The following NUP93 variants were observed in gnomAD, a reference collection of about 807,000 sequenced individuals.
The protein encoded by NUP93 is nucleoporin 93, also known as nuclear pore complex protein Nup93.
Under a neutral mutation model 107.8 loss-of-function variants are expected in NUP93, and 55 were observed. That is an observed-to-expected ratio of 0.51 (90% CI 0.41 to 0.64). The LOEUF is 0.64. Among genes scored for constraint, NUP93 ranks in the 30% least tolerant of loss-of-function variants. NUP93 has a pLI of 0.00. For synonymous variants in NUP93, 390 were observed against 397.5 expected, an observed-to-expected ratio of 0.98 and a Z score of 0.22; for missense variants, 937 against 1,044.7, an observed-to-expected ratio of 0.90 and a Z score of 1.42.
At chr16:56,789,667 A>G (rs765606464) in intron 3 of NUP93, among the ~76,000 whole-genome samples, 1 of 152,282 alleles carries the variant, frequency 6.6e-6, no homozygotes, top group Non-Finnish European at 1.5e-5. Flanking sequence ...GCAAGAAATC[A>G]TATAACAGCA....
At chr16:56,837,517 A>G in intron 17 of NUP93, 91 bp from the exon 18 acceptor site, 2 of 1,027,150 alleles carry the variant, frequency 1.9e-6, no homozygotes, top group Non-Finnish European at 3.0e-6. Flanking sequence ...CACCCCAGAA[A>G]GTTCTCTTTG....
intron 18 of NUP93, among the ~76,000 whole-genome samples, 194 bp downstream of exon 18, chr16:56,837,920 A>G (rs541428556): frequency 3.9e-5 from 6 of 152,396 alleles, no homozygotes; most frequent in South Asian, 4.1e-4. Context: ...ACTTGGTACT[A>G]TCAAACTTAA....
chr16:56,761,421 T>C lies in NUP93; in HGVS notation c.297+2766T>C, dbSNP rs114839526. 5.3e-3 allele frequency among the ~76,000 whole-genome samples: 806 copies of C among 152,328 alleles called. 10 individuals carry two copies. Among genetic ancestry groups the C allele is most frequent in the African/African-American group, 0.018 (761 of 41,572 alleles). ...GAAGAGTAAACTTGGACATTTTCAG[T>C]GATTTGTCTTTAGAAAAGCCAGATA... is the stretch of plus-strand genomic sequence containing the variant. On this transcript the variant is annotated intron_variant, in intron 3 of 21. Transcript: ENST00000308159.
In NUP93 at chr16:56,833,357, G is replaced by C. The variant is rs537108785; in HGVS notation, c.1488G>C (p.Leu496=). 27 of 1,583,310 alleles carry C rather than the reference G, an allele frequency of 1.7e-5. No individual in the cohort carries two copies. Among genetic ancestry groups the C allele is most frequent in the Non-Finnish European group, 2.1e-5 (25 of 1,169,616 alleles). The change falls in exon 13 of 22, where the codon CTG becomes CTC. Residue 496 remains leucine, a synonymous_variant. Coordinates refer to ENST00000308159, the MANE Select transcript of NUP93 (RefSeq NM_014669.5). ...RCHAVHVALV[L]FELKLLLKSS... ...ATGCTGTCCATGTAGCACTGGTGCT[G>C]TTTGAGCTGAAGCTGCTTTTAAAGT...
chr16:56,735,628 T>C (rs759353765), intron 1 of NUP93, among the ~76,000 whole-genome samples: 57 of 152,206 alleles, frequency 3.7e-4, no homozygotes, highest in Middle Eastern at 6.8e-3. Flanking sequence ...GCGGATCACT[T>C]GAGGTCAGGA....
At chr16:56,789,484 G>A (rs1199707450) in intron 3 of NUP93, among the ~76,000 whole-genome samples, 4 of 152,192 alleles carry the variant, frequency 2.6e-5, no homozygotes, top group South Asian at 2.1e-4. Context: ...AGATGGCCTG[G>A]TGCCCACACA....
chr16:56,759,099 A>G (rs1004388072), intron 3 of NUP93, among the ~76,000 whole-genome samples: 3 of 152,236 alleles, frequency 2.0e-5, no homozygotes, highest in Admixed American at 1.3e-4. Context: ...AACCTACTCA[A>G]TGATTTCCAA....
chr16:56,804,957 A>G lies in NUP93; in HGVS notation c.361-547A>G, dbSNP rs559991624. 4.9e-4 allele frequency among the ~76,000 whole-genome samples: 74 copies of G among 152,160 alleles called. 2 individuals carry two copies. In the South Asian group the frequency reaches 0.015, roughly 32 times the overall value. ...TACCGAAGTTTTATTAAAATGTCTT[A>G]AAATCAGTGAAATACGGTATGTTGC... On this transcript the variant is annotated intron_variant, in intron 4 of 21. Transcript: ENST00000308159.
intron 5 of NUP93, among the ~76,000 whole-genome samples, chr16:56,807,978 C>A (rs1963180900): frequency 6.7e-6 from 1 of 149,220 alleles, no homozygotes. Flanking sequence ...AGCTGAGATC[C>A]CGCCACTGCA....
Position 56,834,442 on chromosome 16 carries a change from G to A in NUP93, c.1737G>A (p.Glu579=). ...GTGAGCTTGTGATTGAAAGCCGAGAGGTGAGTGGGTTTCCTTTTCTCTCCT... is the reference window on the plus strand; with the variant it reads ...GTGAGCTTGTGATTGAAAGCCGAGAAGTGAGTGGGTTTCCTTTTCTCTCCT... The part of the protein sequence containing the change: ...CVSELVIESR[E]FDMILGKLEN... The change falls in exon 15 of 22, where the codon GAG becomes GAA. Residue 579 remains glutamate, a splice_region_variant and synonymous_variant. Coordinates refer to ENST00000308159, the MANE Select transcript of NUP93 (RefSeq NM_014669.5). 3 of 1,614,128 alleles carry A rather than the reference G, an allele frequency of 1.9e-6. No individual in the cohort carries two copies. The highest frequency in any genetic ancestry group is 1.3e-5 in the African/African-American group (1 of 75,038).
intron 8 of NUP93, among the ~76,000 whole-genome samples, chr16:56,827,502 G>T (rs959831188): frequency 2.0e-5 from 3 of 152,138 alleles, no homozygotes; most frequent in African/African-American, 7.2e-5. Flanking sequence ...AAATTGTAAC[G>T]GAGAAATCTG....
At chr16:56,762,995 T>A (rs959385969) in intron 3 of NUP93, among the ~76,000 whole-genome samples, 1 of 152,196 alleles carries the variant, frequency 6.6e-6, no homozygotes, top group Non-Finnish European at 1.5e-5. Context: ...TAATTACATT[T>A]GCAAAGGCCC....
chr16:56,841,313 G>C (rs1412490626), intron 20 of NUP93, among the ~76,000 whole-genome samples: 1 of 152,208 alleles, frequency 6.6e-6, no homozygotes, highest in African/African-American at 2.4e-5. Context: ...AGAGTGAGGA[G>C]TGGTAGGGAC....
At chr16:56,739,081 G>A (rs1961659676) in intron 1 of NUP93, among the ~76,000 whole-genome samples, 1 of 149,402 alleles carries the variant, frequency 6.7e-6, no homozygotes, top group Admixed American at 6.7e-5. Flanking sequence ...TTTTCTTAGT[G>A]CAGAACAAAA....
intron 3 of NUP93, among the ~76,000 whole-genome samples, chr16:56,795,729 C>G (rs1962882467): frequency 6.6e-6 from 1 of 152,040 alleles, no homozygotes; most frequent in South Asian, 2.1e-4. Context: ...TCACTGCAAC[C>G]TCTGCCTCCC....
In NUP93 at chr16:56,839,562, T is replaced by A. The variant is rs1172642203; in HGVS notation, c.2178T>A (p.Ser726Arg). Reference protein sequence around the residue: ...RLKLVPLNQESVEERVAAFRN... With the variant: ...RLKLVPLNQERVEERVAAFRN... ...AGCTGGTGCCCCTGAATCAGGAAAG[T>A]GTGGAAGAGAGAGTGGCTGCCTTCA... Residue 726 changes from serine to arginine, a missense_variant, in exon 20 of 22, where the codon AGT becomes AGA. By Grantham distance (110) the Ser-to-Arg change is moderately radical. Coordinates refer to ENST00000308159, the MANE Select transcript of NUP93 (RefSeq NM_014669.5). 6.2e-7 allele frequency: 1 copy of A among 1,613,886 alleles called. No homozygotes were observed. The highest frequency in any genetic ancestry group is 1.7e-5 in the Admixed American group (1 of 59,966).
intron 5 of NUP93, among the ~76,000 whole-genome samples, chr16:56,810,445 A>G (rs1410622140): frequency 6.6e-6 from 1 of 152,190 alleles, no homozygotes; most frequent in African/African-American, 2.4e-5. Context: ...CCTGGGCAAC[A>G]TAGTAGGACC....
At position 56,830,558 on chromosome 16, in the gene NUP93, G is replaced by A. The variant is rs1169955129; in HGVS notation, c.958G>A (p.Ala320Thr). Residue 320 changes from alanine to threonine, a missense_variant, in exon 10 of 22, where the codon GCG becomes ACG. Ala to Thr is a moderately conservative substitution (Grantham distance 58). Transcript: ENST00000308159. ...DGEVEGHPVW[A>T]LIYYCMRCGD... The stretch of plus-strand genomic sequence containing the variant: ...AGAGGTGGAAGGCCATCCTGTGTGG[G>A]CGCTAATTTACTACTGCATGCGCTG... 15 of 1,595,426 alleles carry A rather than the reference G, an allele frequency of 9.4e-6. No individual in the cohort carries two copies. Among genetic ancestry groups the A allele is most frequent in the Non-Finnish European group, 1.1e-5 (13 of 1,165,098 alleles).
chr16:56,830,551 T>A lies in NUP93; in HGVS notation c.951T>A (p.Pro317=). Reference sequence around the variant, plus strand: ...AGGATGGAGAGGTGGAAGGCCATCCTGTGTGGGCGCTAATTTACTACTGCA... The same window carrying A: ...AGGATGGAGAGGTGGAAGGCCATCCAGTGTGGGCGCTAATTTACTACTGCA... ...GLQDGEVEGH[P]VWALIYYCMR... The change falls in exon 10 of 22, where the codon CCT becomes CCA. Residue 317 remains proline (P), a synonymous_variant. Transcript: ENST00000308159. The A allele has an allele frequency of 1.9e-6, 3 of 1,593,056 alleles. No homozygotes were observed. Among genetic ancestry groups the A allele is most frequent in the Non-Finnish European group, 2.6e-6 (3 of 1,163,672 alleles).
Sources: gnomAD v4.1 joint callset for allele counts (sites outside exome capture counted in the v4.1 genomes callset) on GRCh38, gnomAD v4.1.1 for gene constraint, MANE v1.5 for transcripts, NCBI Gene and HGNC (gene_info 2026-07-23, HGNC 2026-07-21) for gene names.